Variants in WLS observed in about 807,000 individuals in gnomAD.
WLS encodes protein wntless homolog.
In WLS, 23 loss-of-function variants were observed where a neutral mutation model predicts 62.8. The ratio of observed to expected loss-of-function variants is 0.37; its 90% CI spans 0.26 to 0.52. The LOEUF (loss-of-function observed/expected upper bound fraction) is 0.52. WLS is among the 20% of genes least tolerant of loss of function. The pLI is 0.92. For missense variants in WLS, 615 were observed against 697.3 expected (o/e 0.88, Z 1.33); for synonymous variants, 246 against 244.1 (o/e 1.01, Z -0.07).
intron 11 of WLS, among the ~76,000 whole-genome samples, chr1:68,133,294 G>T (rs2100408713): frequency 6.6e-6 from 1 of 152,264 alleles, no homozygotes; most frequent in Admixed American, 6.5e-5. Context: ...CAATAGGAAG[G>T]AACCCAGGGG....
intron 1 of WLS, among the ~76,000 whole-genome samples, chr1:68,230,570 C>CGTGT (rs112351005): frequency 2.6e-4 from 31 of 118,724 alleles, no homozygotes; most frequent in African/African-American, 6.8e-4. Context: ...AAAGCCAACC[C>CGTGT]GTGTGTGTGT....
downstream of WLS, chr1:68,125,267 A>G: frequency 1.1e-6 from 1 of 929,850 alleles, no homozygotes; most frequent in Non-Finnish European, 1.3e-6. Flanking sequence ...CTTTGATTTG[A>G]TGATAAAGTA....
intron 11 of WLS, among the ~76,000 whole-genome samples, chr1:68,109,704 TAAG>T (rs1053364358): frequency 1.3e-5 from 2 of 151,986 alleles, no homozygotes; most frequent in Non-Finnish European, 2.9e-5. Context: ...AGATTATAAA[TAAG>T]AAAGAAGGAT....
chr1:68,228,307 T>G (rs1344130354), intron 1 of WLS: 2 of 419,286 alleles, frequency 4.8e-6, no homozygotes, highest in African/African-American at 2.1e-5. Flanking sequence ...CTTCATACTC[T>G]TAGCAGTTTT....
At chr1:68,222,918 TG>T (rs1173301235) in intron 1 of WLS, among the ~76,000 whole-genome samples, 14 of 1,612 alleles carry the variant, frequency 8.7e-3, no homozygotes, top group African/African-American at 0.029. Context: ...GGGGTGGGGG[TG>T]GGGGTGGGGG....
intron 2 of WLS, among the ~76,000 whole-genome samples, chr1:68,174,891 C>G (rs1039117733): frequency 6.6e-6 from 1 of 152,158 alleles, no homozygotes; most frequent in Non-Finnish European, 1.5e-5. Flanking sequence ...CTCCACTACT[C>G]CACATCCTCT....
intron 5 of WLS, 44 bp downstream of exon 5, chr1:68,153,473 G>A (rs918943452): frequency 1.6e-5 from 26 of 1,611,654 alleles, no homozygotes; most frequent in Non-Finnish European, 2.2e-5. Context: ...GGCAGATCAT[G>A]AGAAGCCAGT....
At chr1:68,164,622 T>C (rs1235497148) in intron 2 of WLS, among the ~76,000 whole-genome samples, 2 of 152,192 alleles carry the variant, frequency 1.3e-5, no homozygotes, top group Admixed American at 1.3e-4. Flanking sequence ...CAGCCTACAC[T>C]CCTATAGAGG....
chr1:68,120,921 C>A (rs1646356940), downstream of WLS, among the ~76,000 whole-genome samples: 1 of 152,170 alleles, frequency 6.6e-6, no homozygotes, highest in Non-Finnish European at 1.5e-5. Flanking sequence ...CTAAAGATGT[C>A]CCTTAACCTA....
At chr1:68,115,058 G>T (rs6678680) in intron 11 of WLS, among the ~76,000 whole-genome samples, 68,583 of 152,044 alleles carry the variant, frequency 0.45, 15,761 homozygotes, top group Middle Eastern at 0.53. Flanking sequence ...CCTGTGACAG[G>T]CCTTTCCCTG....
chr1:68,101,389 G>A (rs779859955), intron 11 of WLS, among the ~76,000 whole-genome samples: 7 of 152,104 alleles, frequency 4.6e-5, no homozygotes, highest in African/African-American at 1.2e-4. Context: ...AAAGGAGGCC[G>A]CCCCAGAAAG....
intron 11 of WLS, among the ~76,000 whole-genome samples, chr1:68,103,848 C>T (rs576568913): frequency 6.6e-6 from 1 of 152,322 alleles, no homozygotes; most frequent in East Asian, 1.9e-4. Context: ...CTTCCCAGAG[C>T]AGCTCATTTT....
At chr1:68,111,988 G>C (rs1646234369) in intron 11 of WLS, among the ~76,000 whole-genome samples, 1 of 152,210 alleles carries the variant, frequency 6.6e-6, no homozygotes, top group Admixed American at 6.5e-5. Flanking sequence ...TTATCGTTCT[G>C]TTCAAAGCTA....
Position 68,232,361 on chromosome 1 carries a change from C to T in WLS, c.-62G>A, listed in dbSNP as rs1196446913. ...AATGTTTTAGGGTGAGCTTTTTGCT[C>T]CCTCCTCTCACACACTCCCTCCTTC... is the stretch of plus-strand genomic sequence containing the variant. On this transcript the variant is annotated 5_prime_UTR_variant, in exon 1 of 12. Transcript: ENST00000262348. 6.4e-7 allele frequency: 1 copy of T among 1,573,652 alleles called. No individual in the cohort carries two copies. The highest frequency in any genetic ancestry group is 8.6e-7 in the Non-Finnish European group (1 of 1,158,856).
At chr1:68,168,649 C>A (rs954734850) in intron 2 of WLS, among the ~76,000 whole-genome samples, 2 of 152,084 alleles carry the variant, frequency 1.3e-5, no homozygotes, top group Non-Finnish European at 2.9e-5. Context: ...GGGCCTTTGC[C>A]CTGGGAAAAA....
chr1:68,167,790 C>T (rs1647082833), intron 2 of WLS, among the ~76,000 whole-genome samples: 2 of 152,062 alleles, frequency 1.3e-5, no homozygotes, highest in African/African-American at 4.8e-5. Flanking sequence ...GTGGAGAATT[C>T]ATTCAGAGGA....
chr1:68,197,307 T>C (rs1430831701), intron 1 of WLS, among the ~76,000 whole-genome samples: 1 of 149,338 alleles, frequency 6.7e-6, no homozygotes, highest in Non-Finnish European at 1.5e-5. Flanking sequence ...AGTCTAGTGT[T>C]TCTTCTATAA....
At chr1:68,168,471 A>G (rs1034201405) in intron 2 of WLS, among the ~76,000 whole-genome samples, 4 of 152,182 alleles carry the variant, frequency 2.6e-5, no homozygotes, top group Non-Finnish European at 5.9e-5. Context: ...TCTGTTAACC[A>G]ATACCAGTTC....
chr1:68,104,562 G>A (rs1178952445), intron 11 of WLS, among the ~76,000 whole-genome samples: 1 of 152,092 alleles, frequency 6.6e-6, no homozygotes, highest in Non-Finnish European at 1.5e-5. Flanking sequence ...GTCCCTCCTA[G>A]CTCCTTGCCT....
Sources: allele counts gnomAD v4.1 joint callset (sites outside exome capture counted in the v4.1 genomes callset), GRCh38; gene constraint gnomAD v4.1.1; transcripts MANE v1.5; gene names NCBI Gene and HGNC (gene_info 2026-07-23, HGNC 2026-07-21).